The following B4GALT5 variants were observed in gnomAD, a reference collection of about 807,000 sequenced individuals.
The protein encoded by B4GALT5 is UDP-Gal:beta-GlcNAc beta-1,4-galactosyltransferase 5.
In B4GALT5, 11 loss-of-function variants were observed where a neutral mutation model predicts 45.0. That is an observed-to-expected ratio of 0.24 (90% CI 0.15 to 0.40). The LOEUF (loss-of-function observed/expected upper bound fraction) is 0.40, where lower values mean the gene tolerates loss of function less well. B4GALT5 is among the 10% of genes least tolerant of loss of function. The pLI is 1.00. For missense variants in B4GALT5, 337 were observed against 500.2 expected (o/e 0.67, Z 3.11); for synonymous variants, 185 against 182.9 (o/e 1.01, Z -0.09).
chr20:49,648,714 A>G (rs1205195859), intron 2 of B4GALT5, among the ~76,000 whole-genome samples: 3 of 152,178 alleles, frequency 2.0e-5, no homozygotes, highest in Non-Finnish European at 2.9e-5. Context: ...GGATATGAAG[A>G]GTGTGATGGC....
chr20:49,655,307 T>C (rs932393259), intron 2 of B4GALT5, among the ~76,000 whole-genome samples: 2 of 151,754 alleles, frequency 1.3e-5, no homozygotes, highest in Non-Finnish European at 2.9e-5. Context: ...GGCGCACACC[T>C]GTAACCCCAG....
chr20:49,637,205 T>C (rs1392366285), intron 8 of B4GALT5, 136 bp downstream of exon 8: 6 of 737,934 alleles, frequency 8.1e-6, no homozygotes, highest in Non-Finnish European at 1.4e-5. Flanking sequence ...TTAGAATACA[T>C]GCAACAGCTG....
chr20:49,642,224 A>G (rs1296655066), intron 5 of B4GALT5, among the ~76,000 whole-genome samples: 1 of 152,076 alleles, frequency 6.6e-6, no homozygotes, highest in Non-Finnish European at 1.5e-5. Flanking sequence ...AAACCATAAT[A>G]CAAGAGGCCT....
intron 1 of B4GALT5, among the ~76,000 whole-genome samples, chr20:49,676,904 A>C (rs1470853356): frequency 1.3e-5 from 2 of 152,284 alleles, no homozygotes; most frequent in Non-Finnish European, 1.5e-5. Flanking sequence ...AGTCATGCTG[A>C]AAAGCAGGGA....
At chr20:49,706,712 C>T (rs1298932181) in intron 1 of B4GALT5, among the ~76,000 whole-genome samples, 1 of 152,162 alleles carries the variant, frequency 6.6e-6, no homozygotes, top group Non-Finnish European at 1.5e-5. Flanking sequence ...TTCTCTTCAG[C>T]CCACACCCAA....
chr20:49,670,908 A>G (rs921159677), intron 1 of B4GALT5, among the ~76,000 whole-genome samples: 1 of 152,196 alleles, frequency 6.6e-6, no homozygotes, highest in Non-Finnish European at 1.5e-5. Flanking sequence ...AAATAATTGG[A>G]TAAATAACAA....
rs1002730178 is a variant in B4GALT5, at chr20:49,635,216, C to A, written c.*1096G>T. On this transcript the variant is annotated 3_prime_UTR_variant, in exon 9 of 9. Transcript: ENST00000371711. ...AAAAAGTAAGAGGGGGAGGGATTCC[C>A]ATACACACCCCCGCCCCCCGCCCCC... The A allele has an allele frequency of 4.1e-4, 63 of 152,362 alleles. No individual in the cohort carries two copies. The highest frequency in any genetic ancestry group is 1.5e-3 in the African/African-American group (61 of 41,510). 9.4% of individuals were successfully genotyped at this position (152,362 alleles called of 1,614,324 possible).
At chr20:49,689,264 A>T (rs1047332713) in intron 1 of B4GALT5, among the ~76,000 whole-genome samples, 1 of 152,214 alleles carries the variant, frequency 6.6e-6, no homozygotes, top group African/African-American at 2.4e-5. Flanking sequence ...ATTTAGACTC[A>T]ATGAGAAAGA....
At chr20:49,684,486 C>G (rs1215286094) in intron 1 of B4GALT5, 2 of 492,332 alleles carry the variant, frequency 4.1e-6, no homozygotes, top group Non-Finnish European at 8.1e-6. Flanking sequence ...TGGTGTGAAC[C>G]CAGGAGGCAG....
intron 1 of B4GALT5, among the ~76,000 whole-genome samples, chr20:49,696,403 G>T (rs768872658): frequency 6.6e-6 from 1 of 152,092 alleles, no homozygotes; most frequent in Non-Finnish European, 1.5e-5. Flanking sequence ...ACTTGACATC[G>T]AAGGGGCTAG....
intron 1 of B4GALT5, among the ~76,000 whole-genome samples, chr20:49,671,104 C>A (rs549637263): frequency 1.2e-4 from 19 of 152,294 alleles, no homozygotes; most frequent in Admixed American, 3.3e-4. Flanking sequence ...GCAGGCCAGG[C>A]ACGGTGGCTC....
chr20:49,708,793 G>C (rs2085895508), intron 1 of B4GALT5, among the ~76,000 whole-genome samples: 1 of 152,024 alleles, frequency 6.6e-6, no homozygotes, highest in African/African-American at 2.4e-5. Context: ...TTAGCCGGGT[G>C]TGGTGGCAGG....
chr20:49,713,586 C>A lies in B4GALT5; in HGVS notation c.105G>T (p.Ala35=), dbSNP rs1197678574. 1 of 1,584,254 alleles carries A rather than the reference C, an allele frequency of 6.3e-7. No individual in the cohort carries two copies. Among genetic ancestry groups the A allele is most frequent in the Admixed American group, 1.8e-5 (1 of 54,606 alleles). The change falls in exon 1 of 9, where the codon GCG becomes GCT. Residue 35 remains alanine (A), a synonymous_variant. Coordinates refer to ENST00000371711, the MANE Select transcript of B4GALT5 (RefSeq NM_004776.4). ...AAGCCCCCTTCCTACCTATGCCGGGCGCCACATAGACGAAGTACAGCAGCG... is the reference window on the plus strand; with the variant it reads ...AAGCCCCCTTCCTACCTATGCCGGGAGCCACATAGACGAAGTACAGCAGCG... ...SSSLLYFVYV[A]PGIVNTYLFM...
chr20:49,663,690 A>AATAT (rs1219181634), intron 1 of B4GALT5, among the ~76,000 whole-genome samples: 29 of 96,942 alleles, frequency 3.0e-4, no homozygotes, highest in African/African-American at 9.4e-4. Flanking sequence ...AAAAAAAAAA[A>AATAT]ATATATACAT....
At chr20:49,643,493 T>C (rs1274462249) in intron 4 of B4GALT5, 33 bp downstream of exon 4, 1 of 1,611,540 alleles carries the variant, frequency 6.2e-7, no homozygotes, top group Admixed American at 1.7e-5. Context: ...CAGGTGGGCT[T>C]CTCAGCATTT....
At chr20:49,712,641 T>C (rs553762978) in intron 1 of B4GALT5, among the ~76,000 whole-genome samples, 1 of 152,198 alleles carries the variant, frequency 6.6e-6, no homozygotes, top group East Asian at 1.9e-4. Flanking sequence ...AACTTCTCCT[T>C]TGTCCGCAGA....
At chr20:49,647,464 G>A (rs1310518023) in intron 2 of B4GALT5, among the ~76,000 whole-genome samples, 2 of 151,982 alleles carry the variant, frequency 1.3e-5, no homozygotes, top group East Asian at 1.9e-4. Context: ...CAGCCTCTAC[G>A]GCTGGTCGTG....
chr20:49,640,635 G>T lies in B4GALT5; in HGVS notation c.637C>A (p.Leu213Ile). Reference sequence around the variant, plus strand: ...GCCTCTTGAAAGCCAACGTTGAAAAGCATGGCTCGATTAAAGGGTTGGGTA... The same window carrying T: ...GCCTCTTGAAAGCCAACGTTGAAAATCATGGCTCGATTAAAGGGTTGGGTA... The part of the protein sequence containing the change: ...VGTQPFNRAM[L>I]FNVGFQEAMK... Residue 213 changes from leucine to isoleucine, a missense_variant, in exon 6 of 9, where the codon CTT becomes ATT. Leu to Ile is a conservative substitution (Grantham distance 5). Around this residue, in one of 2 missense-constraint regions of B4GALT5, gnomAD observed 163 missense variants for 292.8 expected, o/e 0.56. Transcript: ENST00000371711. The T allele has an allele frequency of 6.2e-7, 1 of 1,612,408 alleles. No individual in the cohort carries two copies. Among genetic ancestry groups the T allele is most frequent in the Non-Finnish European group, 8.5e-7 (1 of 1,179,482 alleles).
rs145019757 is a variant in B4GALT5 at position 49,650,854 on chromosome 20, G to T, written c.251-3776C>A. Reference sequence around the variant, plus strand: ...ATAACTTCTTACTCTTCTAAAGCATGTACCTACTGAATGAGGAAAATGCTG... The same window carrying T: ...ATAACTTCTTACTCTTCTAAAGCATTTACCTACTGAATGAGGAAAATGCTG... On this transcript the variant is annotated intron_variant, in intron 2 of 8. Transcript: ENST00000371711. Among the ~76,000 whole-genome samples, 11 of 152,280 alleles carry T rather than the reference G, an allele frequency of 7.2e-5. No homozygotes were observed. The East Asian group carries it at 2.1e-3, about 29-fold the overall frequency.
Sources: gnomAD v4.1 joint callset for allele counts (sites outside exome capture counted in the v4.1 genomes callset) on GRCh38, gnomAD v4.1.1 for gene constraint, gnomAD v4.1.1 regional missense constraint, MANE v1.5 for transcripts, NCBI Gene and HGNC (gene_info 2026-07-23, HGNC 2026-07-21) for gene names.